ANKS1A: variants seen among roughly 807,000 people sequenced by gnomAD.
The protein encoded by ANKS1A is ankyrin repeat and SAM domain-containing protein 1A.
ANKS1A carries 55 observed loss-of-function variants against 120.3 expected under a neutral mutation model. The observed-to-expected ratio is 0.46, with a 90% CI of 0.37 to 0.57. The LOEUF (loss-of-function observed/expected upper bound fraction) is 0.57. Among genes scored for constraint, ANKS1A ranks in the 20% least tolerant of loss-of-function variants. The pLI, the probability that ANKS1A is intolerant of heterozygous loss-of-function variation, is 0.00. For missense variants in ANKS1A, 1,123 were observed against 1,480.3 expected, an observed-to-expected ratio of 0.76 and a Z score of 3.96; for synonymous variants, 590 against 604.7, an observed-to-expected ratio of 0.98 and a Z score of 0.36.
At position 35,084,295 on chromosome 6, in the gene ANKS1A, G is replaced by C; in HGVS notation, c.3132+37G>C. 1 of 1,609,972 alleles carries C rather than the reference G, an allele frequency of 6.2e-7. No homozygotes were observed. The highest frequency in any genetic ancestry group is 1.1e-5 in the South Asian group (1 of 90,708). Reference sequence around the variant, plus strand: ...CCTGGGGCCGGGTGGGGCAGGCTTGGGTTGCAGCCCTGAGGCGTCCAGCCC... The same window carrying C: ...CCTGGGGCCGGGTGGGGCAGGCTTGCGTTGCAGCCCTGAGGCGTCCAGCCC... On this transcript the variant is annotated intron_variant, in intron 21 of 23. Transcript: ENST00000360359. The surrounding 1 kb of genome is among the most constrained non-coding windows in gnomAD (Gnocchi z 4.8).
At chr6:34,990,812 A>G (rs1026904151) in intron 9 of ANKS1A, among the ~76,000 whole-genome samples, 1 of 152,170 alleles carries the variant, frequency 6.6e-6, no homozygotes, top group Non-Finnish European at 1.5e-5. Flanking sequence ...ATAGCCTGGA[A>G]TTCTGGATCA....
intron 1 of ANKS1A, among the ~76,000 whole-genome samples, chr6:34,933,726 G>A (rs1769112141): frequency 6.6e-6 from 1 of 152,238 alleles, no homozygotes; most frequent in Non-Finnish European, 1.5e-5. Context: ...TGACTTCCTT[G>A]GATAGCATAC....
chr6:34,910,219 C>T (rs1170972134), intron 1 of ANKS1A, among the ~76,000 whole-genome samples: 1 of 152,138 alleles, frequency 6.6e-6, no homozygotes, highest in Non-Finnish European at 1.5e-5. Flanking sequence ...GACTTGGTGA[C>T]TGTTGATTTG....
At position 35,089,668 on chromosome 6, in the gene ANKS1A, C is replaced by T. The variant is rs892890898; in HGVS notation, c.*1059C>T. 9.1e-6 allele frequency: 9 copies of T among 992,268 alleles called. No homozygotes were observed. The highest frequency in any genetic ancestry group is 5.2e-5 in the African/African-American group (3 of 57,356). The allele number at this position is 992,268 out of a possible 1,614,324, so 61.5% of individuals were successfully genotyped here. ...AGGTGACAGTGCATCGATGCTCCCC[C>T]GCGTGGCCTTTGGGGCAGGCTGGCA... On this transcript the variant is annotated 3_prime_UTR_variant, in exon 24 of 24. Coordinates refer to ENST00000360359, the MANE Select transcript of ANKS1A (RefSeq NM_015245.3).
chr6:34,989,092 C>A, intron 8 of ANKS1A, 132 bp from the exon 9 acceptor site: 1 of 684,674 alleles, frequency 1.5e-6, no homozygotes, highest in African/African-American at 1.8e-5. Context: ...AGAGACGAAA[C>A]CTTGACTTTA....
intron 1 of ANKS1A, among the ~76,000 whole-genome samples, chr6:34,964,666 T>C (rs977109574): frequency 1.1e-4 from 17 of 152,196 alleles, no homozygotes; most frequent in African/African-American, 4.1e-4. Context: ...AAGTTTTTAG[T>C]TTTTAACTCT....
At chr6:34,922,718 G>A (rs935418595) in intron 1 of ANKS1A, among the ~76,000 whole-genome samples, 14 of 137,382 alleles carry the variant, frequency 1.0e-4, no homozygotes, top group Non-Finnish European at 1.7e-4. Context: ...TTTTTGTGAC[G>A]GAGTCTCACT....
chr6:34,921,644 C>T (rs529592198), intron 1 of ANKS1A, among the ~76,000 whole-genome samples: 4 of 152,266 alleles, frequency 2.6e-5, no homozygotes, highest in African/African-American at 4.8e-5. Context: ...TCTGGTTTGT[C>T]GTTAGTCTCT....
At chr6:35,000,018 A>AT (rs1364377546) in intron 10 of ANKS1A, among the ~76,000 whole-genome samples, 1 of 152,248 alleles carries the variant, frequency 6.6e-6, no homozygotes, top group Non-Finnish European at 1.5e-5. Context: ...TAAGAAAAAA[A>AT]CAGTATACCC....
Position 34,972,971 on chromosome 6 carries a change from TAA to T in ANKS1A, c.435+2806_435+2807del, listed in dbSNP as rs1222702425. On this transcript the variant is annotated intron_variant, in intron 3 of 23. Transcript: ENST00000360359. ...ATTCTTAAAATTTTTTAAATGTAGT[TAA>T]GAGATGTCAAATTATCTTACTTTTT... 2.0e-5 allele frequency among the ~76,000 whole-genome samples: 3 copies of T among 152,330 alleles called. 1 individual carries two copies. Among genetic ancestry groups the T allele is most frequent in the Non-Finnish European group, 1.5e-5 (1 of 68,026 alleles).
chr6:34,967,003 C>T (rs918353007), intron 1 of ANKS1A, among the ~76,000 whole-genome samples: 6 of 152,146 alleles, frequency 3.9e-5, no homozygotes, highest in African/African-American at 9.7e-5. Context: ...GACTCTTAAG[C>T]GATGACACTG....
At chr6:35,015,236 G>A (rs570323767) in intron 10 of ANKS1A, among the ~76,000 whole-genome samples, 7 of 152,118 alleles carry the variant, frequency 4.6e-5, no homozygotes, top group East Asian at 1.9e-4. Context: ...AGTGGCTCAC[G>A]CCTATAATCC....
intron 1 of ANKS1A, among the ~76,000 whole-genome samples, chr6:34,928,359 C>G (rs564135187): frequency 6.6e-6 from 1 of 152,252 alleles, no homozygotes; most frequent in East Asian, 1.9e-4. Flanking sequence ...CAGAATCACC[C>G]TGTCAGGAGC....
At chr6:34,920,748 G>T (rs1768392422) in intron 1 of ANKS1A, among the ~76,000 whole-genome samples, 1 of 152,118 alleles carries the variant, frequency 6.6e-6, no homozygotes, top group Non-Finnish European at 1.5e-5. Context: ...AAAAATAAAA[G>T]AATGATGTAA....
intron 1 of ANKS1A, among the ~76,000 whole-genome samples, chr6:34,912,186 T>C (rs1475118178): frequency 6.6e-6 from 1 of 152,254 alleles, no homozygotes; most frequent in Non-Finnish European, 1.5e-5. Flanking sequence ...GTAAACAGTT[T>C]ATGTAAGTAA....
intron 10 of ANKS1A, among the ~76,000 whole-genome samples, chr6:35,000,263 A>T (rs1195253739): frequency 6.6e-6 from 1 of 152,028 alleles, no homozygotes; most frequent in Admixed American, 6.6e-5. Context: ...AAAAAAAAAA[A>T]AGCCATCTAT....
intron 1 of ANKS1A, among the ~76,000 whole-genome samples, chr6:34,949,438 T>G (rs1157588219): frequency 1.3e-5 from 2 of 152,152 alleles, no homozygotes; most frequent in Admixed American, 1.3e-4. Flanking sequence ...AAAACCTGAT[T>G]AGTTAGCATT....
rs201323757 is a variant in ANKS1A at position 35,017,558 on chromosome 6, C to T, written c.1509C>T (p.Leu503=). ...GQVPEQFSGL[L]HGSSPVCEVG... ...TCCCAGAGCAGTTCTCAGGCCTCCTCCACGGCTCCTCCCCGGTGTGCGAGG... is the reference window on the plus strand; with the variant it reads ...TCCCAGAGCAGTTCTCAGGCCTCCTTCACGGCTCCTCCCCGGTGTGCGAGG... The change falls in exon 11 of 24, where the codon CTC becomes CTT. Residue 503 remains leucine (L), a synonymous_variant. Transcript: ENST00000360359. The T allele has an allele frequency of 1.9e-6, 3 of 1,614,114 alleles. No individual in the cohort carries two copies. Among genetic ancestry groups the T allele is most frequent in the Middle Eastern group, 1.6e-4 (1 of 6,062 alleles).
At chr6:35,076,694 T>C (rs1023602042) in intron 13 of ANKS1A, among the ~76,000 whole-genome samples, 1 of 152,180 alleles carries the variant, frequency 6.6e-6, no homozygotes. Flanking sequence ...AGTGGCGTGA[T>C]CTCGGCTCAC....
Sources: gnomAD v4.1 joint callset for allele counts (sites outside exome capture counted in the v4.1 genomes callset) on GRCh38, gnomAD v4.1.1 for gene constraint, Gnocchi (gnomAD v3.1) non-coding constraint, MANE v1.5 for transcripts, NCBI Gene and HGNC (gene_info 2026-07-23, HGNC 2026-07-21) for gene names.